Variants in SREBF1 observed in about 807,000 individuals in gnomAD.
SREBF1 encodes sterol regulatory element-binding protein 1.
A neutral mutation model predicts 100.1 loss-of-function variants in SREBF1; 45 were observed. The observed-to-expected ratio is 0.45, with a 90% CI of 0.35 to 0.58. SREBF1 has a LOEUF of 0.58. Among genes scored for constraint, SREBF1 ranks in the 20% least tolerant of loss-of-function variants. The pLI is 0.00. For synonymous variants in SREBF1, 657 were observed against 681.8 expected (o/e 0.96, Z 0.57); for missense variants, 1,324 against 1,539.4 (o/e 0.86, Z 2.34).
intron 1 of SREBF1, among the ~76,000 whole-genome samples, chr17:17,825,449 G>A (rs1444900648): frequency 6.6e-6 from 1 of 152,114 alleles, no homozygotes; most frequent in Admixed American, 6.5e-5. Context: ...TGGGAACAGA[G>A]GGCTGGCCCT....
chr17:17,820,966 G>C (rs2034053699), intron 1 of SREBF1: 2 of 244,364 alleles, frequency 8.2e-6, no homozygotes, highest in South Asian at 1.0e-4. Context: ...TGTGCTGAGT[G>C]CTGAGTGCCC....
At chr17:17,830,621 G>A (rs909411629) in intron 1 of SREBF1, among the ~76,000 whole-genome samples, 2 of 152,206 alleles carry the variant, frequency 1.3e-5, no homozygotes, top group South Asian at 2.1e-4. Flanking sequence ...GTGCAGGGAC[G>A]GGGAGTCAGT....
Position 17,816,006 on chromosome 17 carries a change from C to A in SREBF1, c.2237G>T (p.Arg746Leu). ...GCCACTCTGTGCCAGGCAGGCCTGG[C>A]GGGCACTGCTCAGGAAGAAGCGCTG... ...FLTRFFLSSARQACLAQSGSV... is the reference protein window; with the variant it reads ...FLTRFFLSSALQACLAQSGSV... The change falls in exon 12 of 19, where the codon CGC becomes CTC. Residue 746 changes from arginine to leucine, a missense_variant. Coordinates refer to ENST00000261646, the MANE Select transcript of SREBF1 (RefSeq NM_004176.5). 6.2e-7 allele frequency: 1 copy of A among 1,612,480 alleles called. No individual in the cohort carries two copies. The highest frequency in any genetic ancestry group is 1.1e-5 in the South Asian group (1 of 91,056).
Position 17,819,247 on chromosome 17 carries a change from G to A in SREBF1, c.847-13C>T. ...CACTCACCAGGGTCTGCAGGGCCAGGCACATGTTACCAGGTGGGCATGTGT... is the reference window on the plus strand; with the variant it reads ...CACTCACCAGGGTCTGCAGGGCCAGACACATGTTACCAGGTGGGCATGTGT... On this transcript the variant is annotated splice_polypyrimidine_tract_variant and intron_variant, in intron 4 of 18. Transcript: ENST00000261646. The A allele has an allele frequency of 1.9e-6, 3 of 1,613,828 alleles. No individual in the cohort carries two copies. The highest frequency in any genetic ancestry group is 1.6e-4 in the Middle Eastern group (1 of 6,062).
intron 2 of SREBF1, 95 bp from the exon 3 acceptor site, chr17:17,819,820 G>A: frequency 6.9e-7 from 1 of 1,443,394 alleles, no homozygotes; most frequent in Non-Finnish European, 9.2e-7. Context: ...CCTTGGATGA[G>A]TCATTGCCCC....
At chr17:17,825,006 T>C (rs948789389) in intron 1 of SREBF1, among the ~76,000 whole-genome samples, 6 of 152,150 alleles carry the variant, frequency 3.9e-5, no homozygotes, top group East Asian at 3.9e-4. Flanking sequence ...AGCATTGCTC[T>C]TGGCAAAGGC....
intron 2 of SREBF1, 161 bp downstream of exon 2, chr17:17,819,929 A>G: frequency 8.7e-7 from 1 of 1,145,886 alleles, no homozygotes; most frequent in South Asian, 1.6e-5. Flanking sequence ...CCCGGCAACA[A>G]GCACACCAGG....
At chr17:17,814,557 CA>C in intron 15 of SREBF1, 57 bp downstream of exon 15, 2 of 1,536,282 alleles carry the variant, frequency 1.3e-6, no homozygotes, top group Admixed American at 3.9e-5. Context: ...GCACAGTGCC[CA>C]GGGGATGAGG....
intron 2 of SREBF1, 146 bp from the exon 3 acceptor site, chr17:17,819,871 C>A: frequency 7.9e-7 from 1 of 1,263,294 alleles, no homozygotes; most frequent in South Asian, 1.6e-5. Context: ...GGCTCTGATG[C>A]AAATGCACTG....
chr17:17,832,942 A>C (rs912813975), intron 1 of SREBF1, among the ~76,000 whole-genome samples: 5 of 151,614 alleles, frequency 3.3e-5, no homozygotes, highest in African/African-American at 9.7e-5. Flanking sequence ...AACAAAAAAA[A>C]AAAAACAAAG....
At chr17:17,818,452 A>C in intron 5 of SREBF1, 78 bp from the exon 6 acceptor site, 1 of 1,037,752 alleles carries the variant, frequency 9.6e-7, no homozygotes, top group Non-Finnish European at 1.5e-6. Context: ...AGCCCTAGCA[A>C]GGGGGTGCGG....
intron 1 of SREBF1, among the ~76,000 whole-genome samples, chr17:17,826,433 G>C (rs1256873105): frequency 6.6e-6 from 1 of 152,106 alleles, no homozygotes; most frequent in Non-Finnish European, 1.5e-5. Context: ...GGGGCTCACT[G>C]TGGCACCCAA....
chr17:17,817,762 C>T lies in SREBF1; in HGVS notation c.1338G>A (p.Arg446=). Reference sequence around the variant, plus strand: ...TGCCACTGCCACCGCTGCCACTGCCCCTGCTGCCAAGGGACAAGGGGCTGC... The same window carrying T: ...TGCCACTGCCACCGCTGCCACTGCCTCTGCTGCCAAGGGACAAGGGGCTGC... The part of the protein sequence containing the change: ...FQSSPLSLGS[R]GSGSGGSGSD... Residue 446 remains arginine (R), a synonymous_variant, in exon 7 of 19, where the codon AGG becomes AGA. Transcript: ENST00000261646. This position sits in a 1 kb window ranked among gnomAD's most constrained non-coding sequence, Gnocchi z 6.6. 1 of 1,613,786 alleles carries T rather than the reference C, an allele frequency of 6.2e-7. No individual in the cohort carries two copies. The highest frequency in any genetic ancestry group is 8.5e-7 in the Non-Finnish European group (1 of 1,180,014).
chr17:17,818,846 G>A, intron 5 of SREBF1, 167 bp downstream of exon 5: 2 of 780,386 alleles, frequency 2.6e-6, no homozygotes, highest in Non-Finnish European at 4.3e-6. Context: ...GAAGAGGCCT[G>A]CAAACCAGTT....
chr17:17,828,168 T>C (rs2034609540), intron 1 of SREBF1, among the ~76,000 whole-genome samples: 1 of 152,204 alleles, frequency 6.6e-6, no homozygotes, highest in Non-Finnish European at 1.5e-5. Context: ...CTAACTGGTG[T>C]CTCCCTGGGC....
At chr17:17,814,027 C>A (rs1474394868) in intron 16 of SREBF1, 5 of 658,430 alleles carry the variant, frequency 7.6e-6, no homozygotes, top group Admixed American at 5.6e-5. Context: ...CCATCCACCC[C>A]CCTCCTCCCA....
In SREBF1 at chr17:17,819,254, T is replaced by C; in HGVS notation, c.847-20A>G. On this transcript the variant is annotated intron_variant, in intron 4 of 18. Transcript: ENST00000261646. ...CAGGGTCTGCAGGGCCAGGCACATG[T>C]TACCAGGTGGGCATGTGTGTGTGTG... is the stretch of plus-strand genomic sequence containing the variant. The C allele has an allele frequency of 6.2e-7, 1 of 1,613,836 alleles. No homozygotes were observed. Among genetic ancestry groups the C allele is most frequent in the Non-Finnish European group, 8.5e-7 (1 of 1,180,022 alleles).
Position 17,819,977 on chromosome 17 carries a change from G to A in SREBF1, c.523+113C>T, listed in dbSNP as rs1186388275. On this transcript the variant is annotated intron_variant, in intron 2 of 18. Coordinates refer to ENST00000261646, the MANE Select transcript of SREBF1 (RefSeq NM_004176.5). ...AGGGCATCTCAAGCAGCCGAGTGGA[G>A]CCCCAGTTTCTAAAGCCTGCACAGA... is the stretch of plus-strand genomic sequence containing the variant. The A allele has an allele frequency of 3.1e-6, 4 of 1,272,180 alleles. No homozygotes were observed. In the African/African-American group the frequency reaches 6.0e-5, roughly 19 times the overall value. The allele number at this position is 1,272,180 out of a possible 1,614,324, so 78.8% of individuals were successfully genotyped here.
chr17:17,817,466 G>T lies in SREBF1; in HGVS notation c.1405-9C>A, dbSNP rs753587590. The stretch of plus-strand genomic sequence containing the variant: ...CGCTGCTCTGGCTTTGCCTGGTGGG[G>T]TTGGGCAGGGTGGTGAGGGCAGAAT... On this transcript the variant is annotated splice_polypyrimidine_tract_variant and intron_variant, in intron 7 of 18. Coordinates refer to ENST00000261646, the MANE Select transcript of SREBF1 (RefSeq NM_004176.5). This position sits in a 1 kb window ranked among gnomAD's most constrained non-coding sequence, Gnocchi z 6.6. 28 of 1,575,902 alleles carry T rather than the reference G, an allele frequency of 1.8e-5. No individual in the cohort carries two copies. The highest frequency in any genetic ancestry group is 2.3e-5 in the Non-Finnish European group (27 of 1,160,692).
Sources: allele counts gnomAD v4.1 joint callset (sites outside exome capture counted in the v4.1 genomes callset), GRCh38; gene constraint gnomAD v4.1.1; non-coding constraint Gnocchi (gnomAD v3.1); transcripts MANE v1.5; gene names NCBI Gene and HGNC (gene_info 2026-07-23, HGNC 2026-07-21).